The following CALCOCO2 variants were observed in gnomAD, a reference collection of about 807,000 sequenced individuals.
CALCOCO2 encodes the protein calcium-binding and coiled-coil domain-containing protein 2.
Under a neutral mutation model 62.5 loss-of-function variants are expected in CALCOCO2, and 42 were observed. The observed-to-expected ratio is 0.67, with a 90% confidence interval of 0.53 to 0.87. The LOEUF (loss-of-function observed/expected upper bound fraction) is 0.87. Ranked by LOEUF, CALCOCO2 falls within the 40% of genes least tolerant of loss-of-function variation. The pLI is 0.00. For missense variants in CALCOCO2, 456 were observed against 515.0 expected, an observed-to-expected ratio of 0.89 and a Z score of 1.11; for synonymous variants, 167 against 173.0, an observed-to-expected ratio of 0.97 and a Z score of 0.27.
At chr17:48,861,677 A>ATAT (rs1555574331) in intron 11 of CALCOCO2, among the ~76,000 whole-genome samples, 3 of 117,468 alleles carry the variant, frequency 2.6e-5, no homozygotes, top group African/African-American at 1.2e-4. Flanking sequence ...ATATATATAT[A>ATAT]AAGCCTGTGT....
In CALCOCO2 at chr17:48,852,959, G is replaced by A. The variant is rs748615784; in HGVS notation, c.859G>A (p.Glu287Lys). The change falls in exon 9 of 13, where the codon GAG (glutamate) becomes AAG (lysine). Residue 287 changes from glutamate (E) to lysine (K), a missense_variant. Physicochemically the swap from Glu to Lys is moderately conservative, Grantham distance 56 (BLOSUM62 1). Transcript: ENST00000258947. ...CCAGAAGAAGCTCGAGCAGACAGTG[G>A]AGCAAATGAAGCAGAATGAAACTAC... is the stretch of plus-strand genomic sequence containing the variant. The part of the protein sequence containing the change: ...KDQKKLEQTV[E>K]QMKQNETTAM... The A allele has an allele frequency of 3.7e-6, 6 of 1,613,884 alleles. No individual in the cohort carries two copies. Among genetic ancestry groups the A allele is most frequent in the Non-Finnish European group, 5.1e-6 (6 of 1,179,780 alleles).
intron 1 of CALCOCO2, among the ~76,000 whole-genome samples, chr17:48,840,287 G>A (rs1047297069): frequency 5.9e-5 from 9 of 151,912 alleles, no homozygotes; most frequent in Admixed American, 5.3e-4. Flanking sequence ...GCACCACCAC[G>A]CCCAGCTAAT....
intron 1 of CALCOCO2, among the ~76,000 whole-genome samples, chr17:48,837,065 A>G (rs979139455): frequency 6.6e-6 from 1 of 152,174 alleles, no homozygotes; most frequent in African/African-American, 2.4e-5. Flanking sequence ...AGCACTCAGA[A>G]GAACACTCAG....
chr17:48,863,243 A>G lies in CALCOCO2; in HGVS notation c.*238A>G. 1 of 451,910 alleles carries G rather than the reference A, an allele frequency of 2.2e-6. No homozygotes were observed. Among genetic ancestry groups the G allele is most frequent in the Non-Finnish European group, 4.1e-6 (1 of 243,322 alleles). 28.0% of individuals were successfully genotyped at this position (451,910 alleles called of 1,614,324 possible). A position where few individuals can be genotyped will look rare whatever the true frequency, so the allele number is the denominator to read the frequency against. On this transcript the variant is annotated 3_prime_UTR_variant, in exon 13 of 13. Transcript: ENST00000258947. ...ATAACTCTAGCTGTATCATCCTCTC[A>G]CCTGTCATTCTTCTGAGGGTCTCAG...
intron 5 of CALCOCO2, among the ~76,000 whole-genome samples, chr17:48,850,406 A>C (rs992559001): frequency 1.3e-5 from 2 of 152,204 alleles, no homozygotes; most frequent in African/African-American, 2.4e-5. Context: ...GCAGTGAGCC[A>C]AGATCACGCC....
chr17:48,841,661 C>G, intron 1 of CALCOCO2, 37 bp from the exon 2 acceptor site: 1 of 1,387,346 alleles, frequency 7.2e-7, no homozygotes, highest in East Asian at 2.5e-5. Flanking sequence ...TCAGACAATG[C>G]TTTCTGAGCC....
chr17:48,838,920 C>T (rs1004583088), intron 1 of CALCOCO2, among the ~76,000 whole-genome samples: 1 of 151,964 alleles, frequency 6.6e-6, no homozygotes, highest in Non-Finnish European at 1.5e-5. Context: ...AAATGTTAGA[C>T]CAGCTAGTCA....
intron 1 of CALCOCO2, among the ~76,000 whole-genome samples, chr17:48,838,132 A>T (rs1264344138): frequency 6.6e-6 from 1 of 151,894 alleles, no homozygotes; most frequent in African/African-American, 2.4e-5. Context: ...TTAAGGGCTA[A>T]CAACTCTAAG....
intron 11 of CALCOCO2, among the ~76,000 whole-genome samples, chr17:48,861,933 C>T (rs2040333712): frequency 6.6e-6 from 1 of 151,160 alleles, no homozygotes; most frequent in South Asian, 2.1e-4. Context: ...CCTGTAATCC[C>T]AGCTACTCAG....
At chr17:48,832,253 G>C (rs1270996882) in intron 1 of CALCOCO2, among the ~76,000 whole-genome samples, 1 of 152,212 alleles carries the variant, frequency 6.6e-6, no homozygotes, top group East Asian at 1.9e-4. Flanking sequence ...AATTAGTGGA[G>C]CGTGGTGGCG....
At chr17:48,858,636 C>T (rs991833991) in intron 10 of CALCOCO2, among the ~76,000 whole-genome samples, 2 of 151,778 alleles carry the variant, frequency 1.3e-5, no homozygotes, top group Non-Finnish European at 2.9e-5. Flanking sequence ...GGCCTATTCC[C>T]ATTCTCTTAA....
intron 4 of CALCOCO2, chr17:48,848,661 A>G (rs1177647697): frequency 1.6e-6 from 1 of 611,256 alleles, no homozygotes; most frequent in East Asian, 2.8e-5. Context: ...CTTTTCTAAA[A>G]CTTCTTTAAC....
At chr17:48,861,677 A>AT (rs1555574331) in intron 11 of CALCOCO2, among the ~76,000 whole-genome samples, 6 of 117,486 alleles carry the variant, frequency 5.1e-5, no homozygotes, top group African/African-American at 1.7e-4. Context: ...ATATATATAT[A>AT]AAGCCTGTGT....
chr17:48,843,489 T>C (rs546230204), intron 2 of CALCOCO2, among the ~76,000 whole-genome samples: 4 of 152,364 alleles, frequency 2.6e-5, no homozygotes, highest in African/African-American at 7.2e-5. Context: ...TGCTTATTTA[T>C]ATCCTTCATT....
chr17:48,856,954 A>G (rs2040225177), intron 10 of CALCOCO2, among the ~76,000 whole-genome samples: 1 of 139,196 alleles, frequency 7.2e-6, no homozygotes. Flanking sequence ...ATATGCCACC[A>G]TGCCCGGCTA....
intron 10 of CALCOCO2, 81 bp downstream of exon 10, chr17:48,856,268 T>A (rs976544575): frequency 5.4e-6 from 4 of 739,574 alleles, no homozygotes; most frequent in Non-Finnish European, 9.1e-6. Context: ...GTGAAAAAAA[T>A]AAAAAGTTAA....
At chr17:48,847,836 A>G (rs1400893178) in intron 2 of CALCOCO2, 5 of 377,696 alleles carry the variant, frequency 1.3e-5, no homozygotes, top group African/African-American at 1.1e-4. Context: ...TTGTATTTTA[A>G]TGGAGACGGG....
chr17:48,854,272 C>T (rs1172583972), intron 9 of CALCOCO2, among the ~76,000 whole-genome samples: 7 of 128,136 alleles, frequency 5.5e-5, no homozygotes, highest in South Asian at 2.8e-4. Context: ...GCTGAGATCG[C>T]GCCATTGCAC....
chr17:48,862,232 G>A (rs2040339629), intron 11 of CALCOCO2, 44 bp from the exon 12 acceptor site: 2 of 1,307,344 alleles, frequency 1.5e-6, no homozygotes, highest in Non-Finnish European at 2.2e-6. Context: ...AGAAGCTAGG[G>A]ATGGTATTTT....
Sources: gnomAD v4.1 joint callset for allele counts (sites outside exome capture counted in the v4.1 genomes callset) on GRCh38, gnomAD v4.1.1 for gene constraint, MANE v1.5 for transcripts, NCBI Gene and HGNC (gene_info 2026-07-23, HGNC 2026-07-21) for gene names.